The following RTF1 variants were observed in gnomAD, a reference collection of about 807,000 sequenced individuals.
RTF1 encodes the protein RTF1 homolog, Paf1/RNA polymerase II complex component.
RTF1 carries 10 observed loss-of-function variants against 95.7 expected under a neutral mutation model. The observed-to-expected ratio is 0.10, with a 90% confidence interval of 0.06 to 0.18. The LOEUF is 0.18. Ranked by LOEUF, RTF1 falls within the 10% of genes least tolerant of loss-of-function variation. RTF1 has a pLI of 1.00. For missense variants in RTF1, 458 were observed against 875.6 expected, an observed-to-expected ratio of 0.52 and a Z score of 6.02; for synonymous variants, 305 against 311.8, an observed-to-expected ratio of 0.98 and a Z score of 0.23.
intron 6 of RTF1, 52 bp from the exon 7 acceptor site, chr15:41,470,205 A>G: frequency 6.3e-7 from 1 of 1,587,050 alleles, no homozygotes; most frequent in Non-Finnish European, 8.6e-7. Context: ...TCAAGGATGA[A>G]TTCATTTTCT....
intron 2 of RTF1, among the ~76,000 whole-genome samples, chr15:41,447,648 C>T (rs1253551108): frequency 6.6e-6 from 1 of 152,160 alleles, no homozygotes; most frequent in African/African-American, 2.4e-5. Flanking sequence ...ACATGTACAC[C>T]TAGGAAAGCA....
intron 2 of RTF1, among the ~76,000 whole-genome samples, chr15:41,443,937 G>A (rs1446829742): frequency 9.2e-5 from 14 of 151,654 alleles, no homozygotes; most frequent in African/African-American, 2.4e-4. Flanking sequence ...GCGTGGTGGC[G>A]GGCGCCTGTA....
Position 41,453,059 on chromosome 15 carries a change from C to G in RTF1, c.457+11C>G. 6.4e-7 allele frequency: 1 copy of G among 1,551,112 alleles called. No homozygotes were observed. Among genetic ancestry groups the G allele is most frequent in the Non-Finnish European group, 8.7e-7 (1 of 1,153,644 alleles). ...CAGCCCCTGAGGAAGGTGAGCTGAG[C>G]AGCCTAGACCTGGAAGGTCAACTCC... On this transcript the variant is annotated intron_variant, in intron 3 of 17. Coordinates refer to ENST00000389629, the MANE Select transcript of RTF1 (RefSeq NM_015138.5).
intron 2 of RTF1, among the ~76,000 whole-genome samples, chr15:41,445,811 C>T (rs187546460): frequency 6.6e-6 from 1 of 151,248 alleles, no homozygotes; most frequent in Admixed American, 6.6e-5. Context: ...TCTCTGCTCA[C>T]TGTAACCTCT....
chr15:41,448,560 A>G (rs2050774357), intron 2 of RTF1, among the ~76,000 whole-genome samples: 1 of 151,750 alleles, frequency 6.6e-6, no homozygotes, highest in Non-Finnish European at 1.5e-5. Flanking sequence ...CTCTACTAAA[A>G]ATACAAAAAT....
At chr15:41,437,341 A>C (rs2050709783) in intron 1 of RTF1, among the ~76,000 whole-genome samples, 1 of 147,182 alleles carries the variant, frequency 6.8e-6, no homozygotes, top group African/African-American at 2.5e-5. Flanking sequence ...TAAAAATACA[A>C]AAAAAAAAAA....
chr15:41,444,470 C>CT (rs2050750861), intron 2 of RTF1, among the ~76,000 whole-genome samples: 1 of 151,646 alleles, frequency 6.6e-6, no homozygotes, highest in African/African-American at 2.4e-5. Context: ...ACTTTTTGTA[C>CT]TTTTAATAGA....
intron 15 of RTF1, 115 bp from the exon 16 acceptor site, chr15:41,478,988 T>G: frequency 3.0e-6 from 2 of 664,292 alleles, no homozygotes; most frequent in Non-Finnish European, 5.2e-6. Flanking sequence ...CCCCACTAGC[T>G]GCTGATGGGT....
At chr15:41,445,362 G>A (rs1448711466) in intron 2 of RTF1, among the ~76,000 whole-genome samples, 2 of 152,168 alleles carry the variant, frequency 1.3e-5, no homozygotes, top group Non-Finnish European at 2.9e-5. Context: ...TCATGGACTA[G>A]TTAATTGCTC....
At chr15:41,432,712 C>T (rs557625011) in intron 1 of RTF1, among the ~76,000 whole-genome samples, 22 of 148,080 alleles carry the variant, frequency 1.5e-4, no homozygotes, top group East Asian at 8.3e-4. Flanking sequence ...GCCAAGGCGG[C>T]GGCTCACCTG....
intron 2 of RTF1, among the ~76,000 whole-genome samples, chr15:41,444,942 A>AT (rs1025579003): frequency 2.0e-5 from 3 of 151,052 alleles, no homozygotes; most frequent in Admixed American, 1.3e-4. Context: ...TTATTTATTT[A>AT]TTTTTTTGAG....
In RTF1 at chr15:41,462,347, C is replaced by T. The variant is rs187907264; in HGVS notation, c.663-2424C>T. 2.0e-5 allele frequency among the ~76,000 whole-genome samples: 3 copies of T among 152,116 alleles called. No individual in the cohort carries two copies. The East Asian group carries it at 5.8e-4, about 29-fold the overall frequency. On this transcript the variant is annotated intron_variant, in intron 4 of 17. Transcript: ENST00000389629. ...TCAGTTGTTAGATTATTCATGGGGGCAGGAAGCATAAAAGGTAGCCTGGTT... is the reference window on the plus strand; with the variant it reads ...TCAGTTGTTAGATTATTCATGGGGGTAGGAAGCATAAAAGGTAGCCTGGTT...
In RTF1 at chr15:41,430,174, A is replaced by ATT. The variant is rs773433000; in HGVS notation, c.199-8126_199-8125dup. 8.4e-4 allele frequency among the ~76,000 whole-genome samples: 93 copies of ATT among 110,228 alleles called. 2 individuals carry two copies. The highest frequency in any genetic ancestry group is 1.1e-3 in the African/African-American group (33 of 28,952). 72.3% of individuals were successfully genotyped at this position (110,228 alleles called of 152,430 possible). A position where few individuals can be genotyped will look rare whatever the true frequency, so the allele number is the denominator to read the frequency against. ...AGGTGCATGCCACCATGTCTGGCTA[A>ATT]TTTTTTTTTTTTTTTTTTTTTTGAG... On this transcript the variant is annotated intron_variant, in intron 1 of 17. Transcript: ENST00000389629.
intron 1 of RTF1, among the ~76,000 whole-genome samples, chr15:41,437,491 G>A (rs564064489): frequency 6.6e-6 from 1 of 151,982 alleles, no homozygotes; most frequent in South Asian, 2.1e-4. Flanking sequence ...GCGAGACTCT[G>A]TCTCAAAAAA....
chr15:41,466,100 G>C, intron 5 of RTF1, 41 bp from the exon 6 acceptor site: 1 of 1,324,996 alleles, frequency 7.5e-7, no homozygotes, highest in Non-Finnish European at 1.0e-6. Context: ...CTTATCAGCT[G>C]TTGGTAAAAA....
chr15:41,461,124 C>T (rs1317783439), intron 4 of RTF1, among the ~76,000 whole-genome samples: 2 of 150,856 alleles, frequency 1.3e-5, no homozygotes, highest in African/African-American at 4.9e-5. Flanking sequence ...CTCACTGCAA[C>T]CTCTGCCTCC....
At chr15:41,469,350 TTCTC>T (rs925022166) in intron 6 of RTF1, among the ~76,000 whole-genome samples, 94 of 151,964 alleles carry the variant, frequency 6.2e-4, no homozygotes, top group African/African-American at 2.2e-3. Context: ...ATACACAGTT[TTCTC>T]TCTCTTTTTT....
rs760696194 is a variant in RTF1 at position 41,480,736 on chromosome 15, C to T, written c.*49C>T. The T allele has an allele frequency of 2.3e-6, 3 of 1,316,368 alleles. No homozygotes were observed. Among genetic ancestry groups the T allele is most frequent in the Non-Finnish European group, 2.2e-6 (2 of 910,310 alleles). 81.5% of individuals were successfully genotyped at this position (1,316,368 alleles called of 1,614,324 possible). Reference sequence around the variant, plus strand: ...ACCCTGCATGCCCCATCGCAGCGTCCCACCTTTCCTCCTTTCCTTTGATTT... The same window carrying T: ...ACCCTGCATGCCCCATCGCAGCGTCTCACCTTTCCTCCTTTCCTTTGATTT... On this transcript the variant is annotated 3_prime_UTR_variant, in exon 18 of 18. Transcript: ENST00000389629.
intron 4 of RTF1, among the ~76,000 whole-genome samples, chr15:41,458,737 ACT>A (rs2050831429): frequency 6.6e-6 from 1 of 151,644 alleles, no homozygotes; most frequent in South Asian, 2.1e-4. Flanking sequence ...TGAGAGCGAG[ACT>A]CTGTCTCAAT....
Sources: allele counts gnomAD v4.1 joint callset (sites outside exome capture counted in the v4.1 genomes callset), GRCh38; gene constraint gnomAD v4.1.1; transcripts MANE v1.5; gene names NCBI Gene and HGNC (gene_info 2026-07-23, HGNC 2026-07-21).